Variants in TRAF7 observed in about 807,000 individuals in gnomAD.
The protein encoded by TRAF7 is E3 ubiquitin-protein ligase TRAF7.
In TRAF7, 45 loss-of-function variants were observed where a neutral mutation model predicts 89.3. The observed-to-expected ratio is 0.50, with a 90% CI of 0.40 to 0.65. TRAF7 has a LOEUF of 0.65. Ranked by LOEUF, TRAF7 falls within the 30% of genes least tolerant of loss-of-function variation. TRAF7 has a pLI of 0.00. For synonymous variants in TRAF7, 406 were observed against 369.2 expected, an observed-to-expected ratio of 1.10 and a Z score of -1.14; for missense variants, 677 against 918.1, an observed-to-expected ratio of 0.74 and a Z score of 3.39.
Position 2,168,186 on chromosome 16 carries a change from G to A in TRAF7, c.231+18G>A, listed in dbSNP as rs1338598284. The A allele has an allele frequency of 6.3e-7, 1 of 1,597,046 alleles. No individual in the cohort carries two copies. Among genetic ancestry groups the A allele is most frequent in the Non-Finnish European group, 8.5e-7 (1 of 1,173,116 alleles). On this transcript the variant is annotated intron_variant, in intron 4 of 20. Transcript: ENST00000326181. The surrounding 1 kb of genome is among the most constrained non-coding windows in gnomAD (Gnocchi z 4.1). ...ACAGCATGGTAGGTCCCTACCCCCA[G>A]GAGCCCGTGTGAGCCTCAGCCTCCC...
rs1264938618 is a variant in TRAF7, at chr16:2,163,632, G to A, written c.-38-251G>A. On this transcript the variant is annotated intron_variant, in intron 1 of 20. Transcript: ENST00000326181. This position sits in a 1 kb window ranked among gnomAD's most constrained non-coding sequence, Gnocchi z 4.3. ...GGGAAGAGCTGGATGGGCTCTTCGG[G>A]AGCTCAGAAAGGCTAAGCCTTGAGG... is the stretch of plus-strand genomic sequence containing the variant. 1 of 469,326 alleles carries A rather than the reference G, an allele frequency of 2.1e-6. No individual in the cohort carries two copies. The highest frequency in any genetic ancestry group is 3.9e-6 in the Non-Finnish European group (1 of 255,910). 29.1% of individuals were successfully genotyped at this position (469,326 alleles called of 1,614,324 possible). A position where few individuals can be genotyped will look rare whatever the true frequency, so the allele number is the denominator to read the frequency against.
intron 2 of TRAF7, among the ~76,000 whole-genome samples, chr16:2,165,622 C>G (rs574073783): frequency 2.1e-5 from 3 of 145,264 alleles, no homozygotes; most frequent in East Asian, 2.0e-4. Flanking sequence ...GTGGCGCAGC[C>G]TGGTCGCATG....
chr16:2,164,979 T>G (rs1454205149), intron 2 of TRAF7, among the ~76,000 whole-genome samples: 2 of 91,910 alleles, frequency 2.2e-5, no homozygotes, highest in Admixed American at 2.0e-4. Flanking sequence ...GTCGCATGGT[T>G]AAGCGTGTGA....
intron 1 of TRAF7, among the ~76,000 whole-genome samples, chr16:2,157,629 C>T (rs1460031244): frequency 1.3e-5 from 2 of 152,044 alleles, no homozygotes; most frequent in Non-Finnish European, 2.9e-5. Context: ...GTGTGACTCT[C>T]GGCCAGCTGG....
At chr16:2,164,153 TGTGTGTGCGCGC>T (rs1256995366) in intron 2 of TRAF7, 152 bp downstream of exon 2, 5 of 553,520 alleles carry the variant, frequency 9.0e-6, no homozygotes, top group East Asian at 6.2e-5. Flanking sequence ...TGTGTGTGTG[TGTGTGTGCGCGC>T]GCGCGCGCGC....
intron 14 of TRAF7, 59 bp from the exon 15 acceptor site, chr16:2,175,052 G>T: frequency 1.9e-6 from 3 of 1,608,732 alleles, no homozygotes; most frequent in Non-Finnish European, 2.6e-6. Context: ...GCCCTGCCAG[G>T]GCGGTGTCAG....
rs372283115 is a variant in TRAF7 at position 2,163,973 on chromosome 16, A to G, written c.53A>G (p.Asn18Ser). The change falls in exon 2 of 21, where the codon AAT (asparagine) becomes AGT (serine). Residue 18 changes from asparagine (N) to serine (S), a missense_variant. Asn to Ser is a conservative substitution (Grantham distance 46). This residue lies in a region of TRAF7 where 240 missense variants were observed against 191.9 expected (regional missense o/e 1.25). Coordinates refer to ENST00000326181, the MANE Select transcript of TRAF7 (RefSeq NM_032271.3). The surrounding 1 kb of genome is among the most constrained non-coding windows in gnomAD (Gnocchi z 4.3). ...RYNRFSGGPS[N>S]LPTPDVTTGT... ...AACCGCTTCTCCGGGGGGCCCAGCA[A>G]TCTTCCCACCCCAGACGTCACCACA... is the stretch of plus-strand genomic sequence containing the variant. The G allele has an allele frequency of 6.2e-6, 10 of 1,612,490 alleles. No individual in the cohort carries two copies. The highest frequency in any genetic ancestry group is 1.3e-5 in the African/African-American group (1 of 74,826).
intron 5 of TRAF7, 89 bp from the exon 6 acceptor site, chr16:2,171,175 G>A (rs1014169762): frequency 1.6e-5 from 17 of 1,088,438 alleles, no homozygotes; most frequent in Non-Finnish European, 2.1e-5. Context: ...AGGACAGCCA[G>A]GCCTGGAGCA....
intron 2 of TRAF7, among the ~76,000 whole-genome samples, chr16:2,165,516 C>T (rs1436553460): frequency 2.5e-5 from 3 of 121,904 alleles, no homozygotes; most frequent in Non-Finnish European, 5.0e-5. Context: ...CATGGTTAAA[C>T]GTGTGAGTGC....
intron 4 of TRAF7, among the ~76,000 whole-genome samples, chr16:2,169,079 G>A (rs918246923): frequency 1.3e-5 from 2 of 152,120 alleles, no homozygotes; most frequent in East Asian, 1.9e-4. Flanking sequence ...TCCGCCTCCC[G>A]GGTTTAAGTG....
chr16:2,159,839 C>T lies in TRAF7; in HGVS notation c.-39+3981C>T, dbSNP rs1006356388. On this transcript the variant is annotated intron_variant, in intron 1 of 20. Coordinates refer to ENST00000326181, the MANE Select transcript of TRAF7 (RefSeq NM_032271.3). The surrounding 1 kb of genome is among the most constrained non-coding windows in gnomAD (Gnocchi z 6.5). Reference sequence around the variant, plus strand: ...AGCTGCTTTAAGGCCGGGCCTGGCCCGAGCAGGGAGCTGCATCTGGAAGCC... The same window carrying T: ...AGCTGCTTTAAGGCCGGGCCTGGCCTGAGCAGGGAGCTGCATCTGGAAGCC... Among the ~76,000 whole-genome samples, 3 of 152,364 alleles carry T rather than the reference C, an allele frequency of 2.0e-5. No homozygotes were observed. The highest frequency in any genetic ancestry group is 2.1e-4 in the South Asian group (1 of 4,834).
intron 2 of TRAF7, among the ~76,000 whole-genome samples, chr16:2,165,382 G>A (rs1339494544): frequency 7.1e-6 from 1 of 140,348 alleles, no homozygotes; most frequent in Non-Finnish European, 1.5e-5. Context: ...CGGCCTGGTC[G>A]CATGGTTAAG....
chr16:2,172,258 C>A lies in TRAF7; in HGVS notation c.543C>A (p.Ile181=). ...VVNNIAVAEQ[I]GELFIHCRHG... ...ACAACATCGCGGTGGCCGAGCAGATCGGGGAGCTCTTCATCCACTGCCGGC... is the reference window on the plus strand; with the variant it reads ...ACAACATCGCGGTGGCCGAGCAGATAGGGGAGCTCTTCATCCACTGCCGGC... Residue 181 remains isoleucine (I), a synonymous_variant, in exon 8 of 21, where the codon ATC becomes ATA. Coordinates refer to ENST00000326181, the MANE Select transcript of TRAF7 (RefSeq NM_032271.3). 1 of 1,612,972 alleles carries A rather than the reference C, an allele frequency of 6.2e-7. No homozygotes were observed. The highest frequency in any genetic ancestry group is 8.5e-7 in the Non-Finnish European group (1 of 1,179,986).
At position 2,171,245 on chromosome 16, in the gene TRAF7, CT is replaced by C; in HGVS notation, c.349-16del. ...AGGGTGGCCTCCCGCCATCGCCTGC[CT>C]TTCCCGCTTGGTTCCAGGAGCCACT... On this transcript the variant is annotated intron_variant, in intron 5 of 20. Coordinates refer to ENST00000326181, the MANE Select transcript of TRAF7 (RefSeq NM_032271.3). 6.5e-7 allele frequency: 1 copy of C among 1,537,552 alleles called. No individual in the cohort carries two copies. The highest frequency in any genetic ancestry group is 8.8e-7 in the Non-Finnish European group (1 of 1,141,660).
chr16:2,165,818 A>G, intron 2 of TRAF7, 61 bp from the exon 3 acceptor site: 1 of 1,604,438 alleles, frequency 6.2e-7, no homozygotes, highest in Non-Finnish European at 8.5e-7. Context: ...AGTGGGCTCC[A>G]CATGTGCACG....
At position 2,175,128 on chromosome 16, in the gene TRAF7, G is replaced by A; in HGVS notation, c.1364G>A (p.Gly455Asp). The A allele has an allele frequency of 6.2e-7, 1 of 1,613,838 alleles. No individual in the cohort carries two copies. Among genetic ancestry groups the A allele is most frequent in the Non-Finnish European group, 8.5e-7 (1 of 1,179,978 alleles). ...LCIQGCKLYS[G>D]SADCTIIVWD... ...TTCCCCAGGTGCAAACTCTACAGCG[G>A]CTCTGCAGACTGCACCATCATTGTG... is the stretch of plus-strand genomic sequence containing the variant. The change falls in exon 15 of 21, where the codon GGC (glycine) becomes GAC (aspartate). Residue 455 changes from glycine to aspartate, a missense_variant. This residue lies in a region of TRAF7 where 160 missense variants were observed against 263.7 expected (regional missense o/e 0.61). Transcript: ENST00000326181.
chr16:2,173,531 C>T lies in TRAF7; in HGVS notation c.1063C>T (p.Arg355Trp), dbSNP rs2093122295. 1.2e-6 allele frequency: 2 copies of T among 1,613,170 alleles called. No homozygotes were observed. The highest frequency in any genetic ancestry group is 8.5e-7 in the Non-Finnish European group (1 of 1,179,906). Residue 355 changes from arginine to tryptophan, a missense_variant, in exon 11 of 21, where the codon CGG (arginine) becomes TGG (tryptophan). Arg to Trp is a moderately radical substitution (Grantham distance 101). Coordinates refer to ENST00000326181, the MANE Select transcript of TRAF7 (RefSeq NM_032271.3). Reference sequence around the variant, plus strand: ...GCTCAGCGAGGACCTCATGGAGTTCCGGCGGGACGCATCCATGTTAAATGT... The same window carrying T: ...GCTCAGCGAGGACCTCATGGAGTTCTGGCGGGACGCATCCATGTTAAATGT... ...SKLSEDLMEF[R>W]RDASMLNDEL...
chr16:2,164,593 C>T lies in TRAF7; in HGVS notation c.81+592C>T, dbSNP rs1336674697. ...TTAAGCATGTTAGTGCTACGTGGCGCGGCCTGGTCGCATGGTTAAGCGTGT... is the reference window on the plus strand; with the variant it reads ...TTAAGCATGTTAGTGCTACGTGGCGTGGCCTGGTCGCATGGTTAAGCGTGT... On this transcript the variant is annotated intron_variant, in intron 2 of 20. Coordinates refer to ENST00000326181, the MANE Select transcript of TRAF7 (RefSeq NM_032271.3). 1.2e-4 allele frequency among the ~76,000 whole-genome samples: 12 copies of T among 104,054 alleles called. 1 individual carries two copies. Among genetic ancestry groups the T allele is most frequent in the South Asian group, 6.5e-4 (2 of 3,100 alleles). The allele number at this position is 104,054 out of a possible 152,430, so 68.3% of individuals were successfully genotyped here.
Position 2,159,940 on chromosome 16 carries a change from G to A in TRAF7, c.-38-3943G>A, listed in dbSNP as rs990054091. Among the ~76,000 whole-genome samples, 3 of 152,238 alleles carry A rather than the reference G, an allele frequency of 2.0e-5. No homozygotes were observed. The highest frequency in any genetic ancestry group is 4.4e-5 in the Non-Finnish European group (3 of 68,024). On this transcript the variant is annotated intron_variant, in intron 1 of 20. Transcript: ENST00000326181. The surrounding 1 kb of genome is among the most constrained non-coding windows in gnomAD (Gnocchi z 6.5). ...GGACCCCTGACCCAGACCCCCTCCA[G>A]GTGTGTCTCCAGGGAAAGGGGTGGG...
Sources: gnomAD v4.1 joint callset for allele counts (sites outside exome capture counted in the v4.1 genomes callset) on GRCh38, gnomAD v4.1.1 for gene constraint, gnomAD v4.1.1 regional missense constraint, Gnocchi (gnomAD v3.1) non-coding constraint, MANE v1.5 for transcripts, NCBI Gene and HGNC (gene_info 2026-07-23, HGNC 2026-07-21) for gene names.